The following STAC2 variants were observed in gnomAD, a reference collection of about 807,000 sequenced individuals.
The protein encoded by STAC2 is SH3 and cysteine rich domain 2, also known as SH3 and cysteine-rich domain-containing protein 2.
In STAC2, 36 loss-of-function variants were observed where a neutral mutation model predicts 49.0. The ratio of observed to expected loss-of-function variants is 0.74; its 90% CI spans 0.56 to 0.97. The LOEUF (loss-of-function observed/expected upper bound fraction) is 0.97, where lower values mean the gene tolerates loss of function less well. Among genes scored for constraint, STAC2 ranks in the 50% least tolerant of loss-of-function variants. STAC2 has a pLI of 0.00. For missense variants in STAC2, 527 were observed against 543.8 expected (o/e 0.97, Z 0.31); for synonymous variants, 239 against 214.7 (o/e 1.11, Z -0.99).
intron 3 of STAC2, 63 bp downstream of exon 3, chr17:39,217,013 A>G: frequency 1.2e-5 from 19 of 1,606,820 alleles, no homozygotes; most frequent in Non-Finnish European, 1.6e-5. Flanking sequence ...AGGGATACTC[A>G]TTCTCCCATG....
chr17:39,217,962 G>A lies in STAC2; in HGVS notation c.302C>T (p.Pro101Leu). 2 of 1,594,834 alleles carry A rather than the reference G, an allele frequency of 1.3e-6. No individual in the cohort carries two copies. Among genetic ancestry groups the A allele is most frequent in the South Asian group, 1.1e-5 (1 of 88,548 alleles). ...CCTCACTGGTTTGAGCGCTGCCAGG[G>A]GGCGTGGGACTGGGCATGGGGAGGG... ...PSPSPCPVPR[P>L]LAALKPVRLH... The change falls in exon 2 of 11, where the codon CCC becomes CTC. Residue 101 changes from proline to leucine, a missense_variant. Transcript: ENST00000333461.
At chr17:39,212,486 G>T in intron 10 of STAC2, 90 bp from the exon 11 acceptor site, 1 of 907,626 alleles carries the variant, frequency 1.1e-6, no homozygotes, top group East Asian at 2.6e-5. Flanking sequence ...ACCCACCCTG[G>T]GGGATGATGG....
At position 39,214,988 on chromosome 17, in the gene STAC2, G is replaced by A. The variant is rs2046388757; in HGVS notation, c.735C>T (p.Gly245=). The change falls in exon 6 of 11, where the codon GGC becomes GGT. Residue 245 remains glycine, a synonymous_variant. Coordinates refer to ENST00000333461, the MANE Select transcript of STAC2 (RefSeq NM_198993.5). The stretch of plus-strand genomic sequence containing the variant: ...GCCCCTCCTCAGAGCTGCGGATGCT[G>A]CCTTCCCCATCCTCGGTCAGCTCAT... ...ERDELTEDGE[G]SIRSSEEGPG... 6.2e-7 allele frequency: 1 copy of A among 1,614,028 alleles called. No individual in the cohort carries two copies. Among genetic ancestry groups the A allele is most frequent in the Non-Finnish European group, 8.5e-7 (1 of 1,180,002 alleles).
chr17:39,225,733 G>T lies in STAC2; in HGVS notation c.-231C>A, dbSNP rs2046508280. The T allele has an allele frequency of 1.8e-6, 1 of 571,278 alleles. No homozygotes were observed. Among genetic ancestry groups the T allele is most frequent in the African/African-American group, 2.0e-5 (1 of 50,390 alleles). The allele number at this position is 571,278 out of a possible 1,614,324, so 35.4% of individuals were successfully genotyped here. ...CCGCAGGAGCGGGACGACCCCGGGC[G>T]CGAGGACCGAGGGTCTGCAGAGGAT... On this transcript the variant is annotated 5_prime_UTR_variant, in exon 1 of 11. Coordinates refer to ENST00000333461, the MANE Select transcript of STAC2 (RefSeq NM_198993.5). The surrounding 1 kb of genome is among the most constrained non-coding windows in gnomAD (Gnocchi z 8.2).
rs760091349 is a variant in STAC2, at chr17:39,214,762, C to T, written c.843+29G>A. 1.9e-6 allele frequency: 3 copies of T among 1,611,794 alleles called. No individual in the cohort carries two copies. In the South Asian group the frequency reaches 3.3e-5, roughly 18 times the overall value. ...AATTACACCCGCTTCCCACCCTGAC[C>T]TTCCGGGCCAATGCCAGTACAGGCT... On this transcript the variant is annotated intron_variant, in intron 7 of 10. Coordinates refer to ENST00000333461, the MANE Select transcript of STAC2 (RefSeq NM_198993.5).
chr17:39,219,851 G>A (rs2046444233), intron 1 of STAC2, among the ~76,000 whole-genome samples: 1 of 152,234 alleles, frequency 6.6e-6, no homozygotes. Flanking sequence ...ACAGGGGCCA[G>A]CAGCCTGGCT....
chr17:39,218,220 G>A, intron 1 of STAC2, 47 bp from the exon 2 acceptor site: 1 of 1,604,718 alleles, frequency 6.2e-7, no homozygotes. Flanking sequence ...GAGGGGGCTG[G>A]CCAGGGCGGG....
chr17:39,222,278 C>G (rs1166217226), intron 1 of STAC2, among the ~76,000 whole-genome samples: 4 of 152,206 alleles, frequency 2.6e-5, no homozygotes, highest in Non-Finnish European at 4.4e-5. Flanking sequence ...CAAGAGCCAC[C>G]TCTGCTAGGT....
At chr17:39,218,343 C>T (rs537868848) in intron 1 of STAC2, among the ~76,000 whole-genome samples, 170 bp from the exon 2 acceptor site, 4 of 152,180 alleles carry the variant, frequency 2.6e-5, no homozygotes, top group Non-Finnish European at 4.4e-5. Flanking sequence ...CCCCAGGTCC[C>T]GACGACACTT....
intron 8 of STAC2, 38 bp downstream of exon 8, chr17:39,214,195 G>C (rs772097271): frequency 1.2e-6 from 2 of 1,608,778 alleles, no homozygotes; most frequent in Non-Finnish European, 1.7e-6. Flanking sequence ...TGGGAGCGCA[G>C]AGCTGCCCAG....
rs781510899 is a variant in STAC2, at chr17:39,217,160, C to T, written c.411G>A (p.Gln137=). 101 of 1,613,476 alleles carry T rather than the reference C, an allele frequency of 6.3e-5. No individual in the cohort carries two copies. The highest frequency in any genetic ancestry group is 8.1e-5 in the Non-Finnish European group (95 of 1,179,796). ...CTTTGCACATCTTACATCGCAAGCCCTGTTTGGAGTTTCCTAGGAAGAATT... is the reference window on the plus strand; with the variant it reads ...CTTTGCACATCTTACATCGCAAGCCTTGTTTGGAGTTTCCTAGGAAGAATT... ...CHQLIVGNSK[Q]GLRCKMCKVS... The change falls in exon 3 of 11, where the codon CAG becomes CAA. Residue 137 remains glutamine, a synonymous_variant. Transcript: ENST00000333461.
In STAC2 at chr17:39,225,358, G is replaced by T; in HGVS notation, c.90+55C>A. 6.7e-7 allele frequency: 1 copy of T among 1,496,236 alleles called. No individual in the cohort carries two copies. Among genetic ancestry groups the T allele is most frequent in the Non-Finnish European group, 9.0e-7 (1 of 1,114,772 alleles). The allele number at this position is 1,496,236 out of a possible 1,614,324, so 92.7% of individuals were successfully genotyped here. On this transcript the variant is annotated intron_variant, in intron 1 of 10. Transcript: ENST00000333461. The surrounding 1 kb of genome is among the most constrained non-coding windows in gnomAD (Gnocchi z 8.2). Reference sequence around the variant, plus strand: ...CCCGGGCCCACAGGAGGACCCCGCCGGGAAGAGGGCGCCCGGGCCCGGGGC... The same window carrying T: ...CCCGGGCCCACAGGAGGACCCCGCCTGGAAGAGGGCGCCCGGGCCCGGGGC...
At chr17:39,221,446 C>T (rs2046462051) in intron 1 of STAC2, among the ~76,000 whole-genome samples, 1 of 152,196 alleles carries the variant, frequency 6.6e-6, no homozygotes, top group Admixed American at 6.5e-5. Flanking sequence ...TCCAAATATC[C>T]CCAGAAACTT....
intron 1 of STAC2, among the ~76,000 whole-genome samples, chr17:39,224,327 G>C (rs998172850): frequency 6.6e-6 from 1 of 152,234 alleles, no homozygotes; most frequent in African/African-American, 2.4e-5. Flanking sequence ...GGGTGAAGGG[G>C]GAGGGAGGAG....
chr17:39,212,316 T>G lies in STAC2; in HGVS notation c.1212A>C (p.Pro404=). ...VSSGKKRGLV[P]VDALTEI ...CTCAGATCTCAGTCAGGGCGTCGAC[T>G]GGCACCAGGCCCCGCTTCTTGCCAC... The change falls in exon 11 of 11, where the codon CCA becomes CCC. Residue 404 remains proline (P), a synonymous_variant. Transcript: ENST00000333461. The G allele has an allele frequency of 6.2e-7, 1 of 1,611,816 alleles. No homozygotes were observed. The highest frequency in any genetic ancestry group is 1.1e-5 in the South Asian group (1 of 90,456).
Sources: gnomAD v4.1 joint callset for allele counts (sites outside exome capture counted in the v4.1 genomes callset) on GRCh38, gnomAD v4.1.1 for gene constraint, Gnocchi (gnomAD v3.1) non-coding constraint, MANE v1.5 for transcripts, NCBI Gene and HGNC (gene_info 2026-07-23, HGNC 2026-07-21) for gene names.